KAZN: variants seen among roughly 807,000 people sequenced by gnomAD.
KAZN encodes kazrin, periplakin interacting protein, also known as kazrin.
In KAZN, 40 loss-of-function variants were observed where a neutral mutation model predicts 87.4. That is an observed-to-expected ratio of 0.46 (90% CI 0.36 to 0.60). The LOEUF is 0.60. KAZN is among the 20% of genes least tolerant of loss of function. The pLI, the probability that KAZN is intolerant of heterozygous loss-of-function variation, is 0.00. For synonymous variants in KAZN, 466 were observed against 458.3 expected (o/e 1.02, Z -0.22); for missense variants, 898 against 1,073.9 (o/e 0.84, Z 2.29).
chr1:14,444,306 A>ATTTT lies in KAZN; in HGVS notation c.250-154657_250-154654dup, dbSNP rs35461813. Among the ~76,000 whole-genome samples, 307 of 95,216 alleles carry ATTTT rather than the reference A, an allele frequency of 3.2e-3. 11 individuals are homozygous for ATTTT. Among genetic ancestry groups the ATTTT allele is most frequent in the African/African-American group, 7.0e-3 (156 of 22,406 alleles). 62.5% of individuals were successfully genotyped at this position (95,216 alleles called of 152,430 possible). On this transcript the variant is annotated intron_variant, in intron 2 of 16. Transcript: ENST00000636203. ...ATCTCCAAAATAAACTAAATTCATG[A>ATTTT]TTTTTTTTTTTTTTTTTTTTTTTGA... is the stretch of plus-strand genomic sequence containing the variant.
intron 1 of KAZN, among the ~76,000 whole-genome samples, chr1:14,728,287 T>G (rs1337292627): frequency 2.8e-5 from 2 of 70,424 alleles, no homozygotes; most frequent in African/African-American, 5.7e-5. Context: ...ACACCGTATA[T>G]ATAAAAAAAA....
At chr1:14,731,313 A>G (rs1643666568) in intron 1 of KAZN, among the ~76,000 whole-genome samples, 1 of 152,182 alleles carries the variant, frequency 6.6e-6, no homozygotes, top group African/African-American at 2.4e-5. Flanking sequence ...TATTTAAGGA[A>G]AAAACATCAT....
chr1:14,370,250 A>T (rs1660367483), intron 2 of KAZN, among the ~76,000 whole-genome samples: 1 of 152,150 alleles, frequency 6.6e-6, no homozygotes, highest in Non-Finnish European at 1.5e-5. Flanking sequence ...GAGAGGAAGA[A>T]GTGGGGAGGA....
chr1:14,045,463 A>T (rs938666960), intron 1 of KAZN, among the ~76,000 whole-genome samples: 4 of 152,320 alleles, frequency 2.6e-5, no homozygotes, highest in Middle Eastern at 3.4e-3. Flanking sequence ...AAATTCCATA[A>T]CCCAATTGTA....
intron 4 of KAZN, among the ~76,000 whole-genome samples, chr1:15,050,100 G>A (rs2100424274): frequency 3.4e-5 from 4 of 116,912 alleles, no homozygotes; most frequent in African/African-American, 4.2e-5. Context: ...GTACAGTAGA[G>A]TAGAGTAGAG....
intron 1 of KAZN, among the ~76,000 whole-genome samples, chr1:14,675,946 G>A (rs1214221971): frequency 6.6e-6 from 1 of 152,146 alleles, no homozygotes; most frequent in Non-Finnish European, 1.5e-5. Context: ...TACACCCCGA[G>A]TATGGTTGGC....
intron 1 of KAZN, among the ~76,000 whole-genome samples, chr1:13,952,312 G>C (rs1486912386): frequency 6.7e-6 from 1 of 149,912 alleles, no homozygotes; most frequent in African/African-American, 2.5e-5. Flanking sequence ...TTCACTGCTT[G>C]GAGTCTTAGG....
chr1:14,989,111 A>C (rs1667108019), intron 2 of KAZN, among the ~76,000 whole-genome samples: 1 of 152,144 alleles, frequency 6.6e-6, no homozygotes, highest in Admixed American at 6.5e-5. Context: ...GCCTTCCCAC[A>C]CAAGCTCAGA....
intron 1 of KAZN, among the ~76,000 whole-genome samples, chr1:14,020,981 G>A (rs1640800496): frequency 6.6e-6 from 1 of 152,166 alleles, no homozygotes; most frequent in African/African-American, 2.4e-5. Context: ...TTGTGAGGGA[G>A]GGATGTTAAC....
intron 1 of KAZN, among the ~76,000 whole-genome samples, chr1:14,636,620 G>A (rs573112011): frequency 1.6e-3 from 235 of 151,110 alleles, no homozygotes; most frequent in African/African-American, 5.1e-3. Context: ...AATAGGGACC[G>A]TCATTTCCTC....
At chr1:15,032,195 T>A (rs56207202) in intron 2 of KAZN, among the ~76,000 whole-genome samples, 5 of 64,458 alleles carry the variant, frequency 7.8e-5, no homozygotes, top group Middle Eastern at 0.015. Context: ...TTTTTTTTTC[T>A]TTTTTTTTTT....
chr1:14,530,029 A>G (rs1421308662), intron 2 of KAZN, among the ~76,000 whole-genome samples: 2 of 152,160 alleles, frequency 1.3e-5, no homozygotes, highest in Admixed American at 1.3e-4. Flanking sequence ...ATAGCACAGT[A>G]TCCAAAGTAC....
chr1:14,715,828 C>T (rs1311293553), intron 1 of KAZN, among the ~76,000 whole-genome samples: 2 of 152,178 alleles, frequency 1.3e-5, no homozygotes. Context: ...TTAGAAAGCT[C>T]CAAATCTCCA....
chr1:15,088,743 G>A (rs551736780), intron 8 of KAZN, among the ~76,000 whole-genome samples: 4 of 152,202 alleles, frequency 2.6e-5, no homozygotes, highest in South Asian at 2.1e-4. Context: ...CTTCTGTCAC[G>A]TCGTCTCGTT....
intron 14 of KAZN, 164 bp downstream of exon 14, chr1:15,112,705 A>G (rs1235775557): frequency 2.0e-6 from 1 of 508,980 alleles, no homozygotes; most frequent in Non-Finnish European, 3.7e-6. Flanking sequence ...CCTTCAAGGA[A>G]CCTTCACGAT....
intron 1 of KAZN, among the ~76,000 whole-genome samples, chr1:14,805,200 G>T (rs118069466): frequency 6.6e-6 from 1 of 152,176 alleles, no homozygotes; most frequent in Non-Finnish European, 1.5e-5. Context: ...GAGTCCAGAG[G>T]AGGTGGTCCA....
intron 2 of KAZN, among the ~76,000 whole-genome samples, chr1:14,989,400 C>T (rs12402715): frequency 0.21 from 32,498 of 152,134 alleles, 3,763 homozygotes; most frequent in Middle Eastern, 0.32. Flanking sequence ...TGCTTTAACC[C>T]GGGAGCTGGA....
chr1:13,943,816 A>C (rs1047632600), intron 1 of KAZN, among the ~76,000 whole-genome samples: 1 of 152,214 alleles, frequency 6.6e-6, no homozygotes, highest in Non-Finnish European at 1.5e-5. Context: ...AGGGAAATGC[A>C]AATTAAAATC....
chr1:14,952,222 C>T (rs1486225031), intron 1 of KAZN, among the ~76,000 whole-genome samples: 1 of 147,828 alleles, frequency 6.8e-6, no homozygotes, highest in Non-Finnish European at 1.5e-5. Flanking sequence ...ATTCTCTAGG[C>T]ATCTGATTTC....
Sources: allele counts gnomAD v4.1 joint callset (sites outside exome capture counted in the v4.1 genomes callset), GRCh38; gene constraint gnomAD v4.1.1; transcripts MANE v1.5; gene names NCBI Gene and HGNC (gene_info 2026-07-23, HGNC 2026-07-21).